ATP2B2: variants seen among roughly 807,000 people sequenced by gnomAD.
ATP2B2 encodes the protein ATPase plasma membrane Ca2+ transporting 2.
Under a neutral mutation model 120.0 loss-of-function variants are expected in ATP2B2, and 15 were observed. The observed-to-expected ratio is 0.12, with a 90% CI of 0.08 to 0.19. The LOEUF is 0.19. ATP2B2 is among the 10% of genes least tolerant of loss of function. The pLI is 1.00. For missense variants in ATP2B2, 1,045 were observed against 1,719.8 expected (o/e 0.61, Z 6.94); for synonymous variants, 694 against 700.3 (o/e 0.99, Z 0.14).
intron 1 of ATP2B2, among the ~76,000 whole-genome samples, chr3:10,696,563 C>T (rs2071744889): frequency 6.6e-6 from 1 of 152,196 alleles, no homozygotes; most frequent in Admixed American, 6.5e-5. Context: ...ACTCTGTAGC[C>T]TCCTCTGGCT....
chr3:10,613,186 T>A (rs1396475973), intron 2 of ATP2B2, among the ~76,000 whole-genome samples: 2 of 152,208 alleles, frequency 1.3e-5, no homozygotes, highest in East Asian at 3.9e-4. Flanking sequence ...TCCTGGGAGG[T>A]GATGTGCCTT....
chr3:10,577,047 G>T (rs2068268263), intron 2 of ATP2B2, among the ~76,000 whole-genome samples: 1 of 103,152 alleles, frequency 9.7e-6, no homozygotes. Flanking sequence ...GTGAGACTCT[G>T]TGTCAAAAAA....
intron 2 of ATP2B2, among the ~76,000 whole-genome samples, chr3:10,578,520 C>T (rs2125556746): frequency 6.7e-6 from 1 of 150,252 alleles, no homozygotes; most frequent in East Asian, 2.0e-4. Flanking sequence ...GCACTCCAGC[C>T]TGGGTGACAG....
intron 3 of ATP2B2, among the ~76,000 whole-genome samples, chr3:10,520,311 G>A (rs73811922): frequency 0.055 from 8,331 of 152,284 alleles, 606 homozygotes; most frequent in African/African-American, 0.17. Flanking sequence ...AGCAGCAGGG[G>A]AGGGGGGTGC....
intron 2 of ATP2B2, among the ~76,000 whole-genome samples, chr3:10,549,301 C>G (rs967888668): frequency 6.6e-6 from 1 of 152,158 alleles, no homozygotes; most frequent in Non-Finnish European, 1.5e-5. Context: ...GTTCACTTTT[C>G]TATCTTCCCT....
chr3:10,451,937 G>C (rs187304217), intron 1 of ATP2B2, among the ~76,000 whole-genome samples: 1 of 152,358 alleles, frequency 6.6e-6, no homozygotes, highest in African/African-American at 2.4e-5. Flanking sequence ...GATGAGTTCT[G>C]TATCATCCAT....
At chr3:10,382,166 T>C (rs1179233951) in intron 8 of ATP2B2, among the ~76,000 whole-genome samples, 2 of 151,366 alleles carry the variant, frequency 1.3e-5, no homozygotes, top group African/African-American at 4.9e-5. Flanking sequence ...GCTGGGAATA[T>C]AGATGTGTGC....
At chr3:10,522,252 C>G (rs569147195) in intron 3 of ATP2B2, among the ~76,000 whole-genome samples, 4 of 152,108 alleles carry the variant, frequency 2.6e-5, no homozygotes, top group Admixed American at 6.5e-5. Flanking sequence ...CTTTTCAGTA[C>G]GTGTGTATTG....
At chr3:10,663,385 G>C (rs1240144564) in intron 1 of ATP2B2, among the ~76,000 whole-genome samples, 2 of 152,104 alleles carry the variant, frequency 1.3e-5, no homozygotes, top group Non-Finnish European at 2.9e-5. Flanking sequence ...CCAGGGACAG[G>C]GGAAAAACAG....
At chr3:10,587,421 C>T (rs1406751530) in intron 2 of ATP2B2, among the ~76,000 whole-genome samples, 1 of 151,130 alleles carries the variant, frequency 6.6e-6, no homozygotes, top group African/African-American at 2.4e-5. Flanking sequence ...CAGAATCTCA[C>T]ACTGTCACCC....
At chr3:10,462,682 G>A (rs1036545412) in intron 1 of ATP2B2, among the ~76,000 whole-genome samples, 1 of 152,222 alleles carries the variant, frequency 6.6e-6, no homozygotes, top group Non-Finnish European at 1.5e-5. Flanking sequence ...GCAGATCTGG[G>A]AGTAGAACTG....
At position 10,327,400 on chromosome 3, in the gene ATP2B2, G is replaced by A. The variant is rs187969268; in HGVS notation, c.*1414C>T. ...AATATACACATCATAAGGTTCATTC[G>A]GATCTAAATAGTGCAGAGAAAAAGG... On this transcript the variant is annotated 3_prime_UTR_variant, in exon 23 of 23. Transcript: ENST00000360273. 1.0e-4 allele frequency: 16 copies of A among 152,608 alleles called. No individual in the cohort carries two copies. Among genetic ancestry groups the A allele is most frequent in the Admixed American group, 3.9e-4 (6 of 15,274 alleles). 9.5% of individuals were successfully genotyped at this position (152,608 alleles called of 1,614,324 possible).
At chr3:10,495,450 C>T (rs559623602) in intron 1 of ATP2B2, among the ~76,000 whole-genome samples, 7 of 152,298 alleles carry the variant, frequency 4.6e-5, no homozygotes, top group East Asian at 1.9e-4. Flanking sequence ...TGGATCCAGT[C>T]GCAGTGGTGA....
intron 1 of ATP2B2, among the ~76,000 whole-genome samples, chr3:10,504,038 T>C (rs559141131): frequency 5.9e-5 from 9 of 152,354 alleles, no homozygotes; most frequent in African/African-American, 1.9e-4. Flanking sequence ...TATGACGCAC[T>C]ACTTATGGGT....
At chr3:10,357,020 G>T (rs2060753452) in intron 14 of ATP2B2, among the ~76,000 whole-genome samples, 1 of 152,012 alleles carries the variant, frequency 6.6e-6, no homozygotes, top group Non-Finnish European at 1.5e-5. Flanking sequence ...TGGTGTGGAA[G>T]ATTGGGGTTC....
chr3:10,466,522 T>C (rs1038666862), intron 1 of ATP2B2, among the ~76,000 whole-genome samples: 1 of 152,146 alleles, frequency 6.6e-6, no homozygotes, highest in Admixed American at 6.5e-5. Flanking sequence ...GGGGTCTTAG[T>C]GTCTCAGTTT....
At chr3:10,368,273 C>T (rs1340396946) in intron 12 of ATP2B2, among the ~76,000 whole-genome samples, 1 of 151,930 alleles carries the variant, frequency 6.6e-6, no homozygotes, top group Non-Finnish European at 1.5e-5. Context: ...GTGGAAGAGA[C>T]CAGCTCAACA....
chr3:10,561,081 T>A (rs1416413814), intron 2 of ATP2B2, among the ~76,000 whole-genome samples: 1 of 152,208 alleles, frequency 6.6e-6, no homozygotes, highest in Non-Finnish European at 1.5e-5. Context: ...TCACATAGGG[T>A]TCTGTACAAG....
At chr3:10,531,418 C>T (rs1299220662) in intron 3 of ATP2B2, among the ~76,000 whole-genome samples, 5 of 152,168 alleles carry the variant, frequency 3.3e-5, no homozygotes, top group Admixed American at 2.0e-4. Flanking sequence ...AATCCCAACT[C>T]GGGTGGGATT....
Sources: allele counts gnomAD v4.1 joint callset (sites outside exome capture counted in the v4.1 genomes callset), GRCh38; gene constraint gnomAD v4.1.1; transcripts MANE v1.5; gene names NCBI Gene and HGNC (gene_info 2026-07-23, HGNC 2026-07-21).